PPP1CB: variants seen among roughly 807,000 people sequenced by gnomAD.
The protein encoded by PPP1CB is protein phosphatase 1 catalytic subunit beta.
In PPP1CB, 2 loss-of-function variants were observed where a neutral mutation model predicts 43.7. The observed-to-expected ratio is 0.05, with a 90% CI of 0.02 to 0.14. The LOEUF (loss-of-function observed/expected upper bound fraction) is 0.14, where lower values mean the gene tolerates loss of function less well. Among genes scored for constraint, PPP1CB ranks in the 10% least tolerant of loss-of-function variants. The pLI is 1.00. For synonymous variants in PPP1CB, 136 were observed against 135.6 expected, an observed-to-expected ratio of 1.00 and a Z score of -0.02; for missense variants, 84 against 398.0, an observed-to-expected ratio of 0.21 and a Z score of 6.71.
intron 7 of PPP1CB, among the ~76,000 whole-genome samples, chr2:28,797,978 T>A (rs992323288): frequency 1.3e-5 from 2 of 152,166 alleles, no homozygotes; most frequent in South Asian, 4.1e-4. Flanking sequence ...ATATACTGTT[T>A]CCATCAATTA....
At chr2:28,790,109 C>CT (rs1408100321) in intron 6 of PPP1CB, among the ~76,000 whole-genome samples, 1 of 151,994 alleles carries the variant, frequency 6.6e-6, no homozygotes, top group Non-Finnish European at 1.5e-5. Flanking sequence ...TGACAAAACT[C>CT]TGTCTCCACA....
At chr2:28,767,553 G>A (rs147221487) in intron 1 of PPP1CB, among the ~76,000 whole-genome samples, 6 of 152,246 alleles carry the variant, frequency 3.9e-5, no homozygotes, top group African/African-American at 1.2e-4. Context: ...CACCCATGAC[G>A]CTGCCAGGTT....
intron 1 of PPP1CB, among the ~76,000 whole-genome samples, chr2:28,759,928 A>T (rs2148456619): frequency 7.1e-6 from 1 of 140,124 alleles, no homozygotes; most frequent in South Asian, 2.4e-4. Flanking sequence ...CCTGGAATAT[A>T]TTCTTATTTT....
At chr2:28,777,104 A>G (rs1667058847) in intron 2 of PPP1CB, 122 bp downstream of exon 2, 1 of 987,832 alleles carries the variant, frequency 1.0e-6, no homozygotes, top group Non-Finnish European at 1.5e-6. Context: ...GCTTTACTAA[A>G]TAAAAGTGTA....
At chr2:28,765,308 T>G (rs190524326) in intron 1 of PPP1CB, among the ~76,000 whole-genome samples, 1 of 152,234 alleles carries the variant, frequency 6.6e-6, no homozygotes, top group South Asian at 2.1e-4. Flanking sequence ...TGAGATTCTA[T>G]GTATTTCATC....
At chr2:28,774,367 G>A (rs1666984549) in intron 1 of PPP1CB, among the ~76,000 whole-genome samples, 1 of 152,180 alleles carries the variant, frequency 6.6e-6, no homozygotes, top group Non-Finnish European at 1.5e-5. Flanking sequence ...CAGTTTGTAA[G>A]TACTTTTAGC....
intron 7 of PPP1CB, among the ~76,000 whole-genome samples, chr2:28,794,850 TATTA>T (rs539603765): frequency 3.7e-4 from 56 of 152,290 alleles, no homozygotes; most frequent in African/African-American, 1.3e-3. Context: ...ATAATATTTT[TATTA>T]ATTTATGTAC....
intron 1 of PPP1CB, among the ~76,000 whole-genome samples, chr2:28,760,802 T>G (rs925806641): frequency 2.0e-5 from 3 of 152,258 alleles, no homozygotes; most frequent in African/African-American, 7.2e-5. Flanking sequence ...AGAAGGAATC[T>G]TTATAGGTAC....
intron 1 of PPP1CB, among the ~76,000 whole-genome samples, chr2:28,769,978 G>A (rs1666868047): frequency 1.3e-5 from 2 of 151,976 alleles, no homozygotes; most frequent in African/African-American, 4.8e-5. Flanking sequence ...TGTAAAAGGA[G>A]CAAATATTGG....
chr2:28,782,532 CAT>C (rs747450389), intron 4 of PPP1CB: 29 of 152,612 alleles, frequency 1.9e-4, no homozygotes, highest in Non-Finnish European at 3.5e-4. Flanking sequence ...AGACTGGGTA[CAT>C]GTGTGTATGG....
intron 5 of PPP1CB, among the ~76,000 whole-genome samples, chr2:28,787,754 A>C (rs1037183563): frequency 1.3e-5 from 2 of 152,046 alleles, no homozygotes; most frequent in African/African-American, 2.4e-5. Context: ...CCTTCTCAAT[A>C]CCTAATGTTC....
intron 1 of PPP1CB, among the ~76,000 whole-genome samples, chr2:28,761,588 C>G (rs1666655498): frequency 6.6e-6 from 1 of 152,220 alleles, no homozygotes; most frequent in Admixed American, 6.5e-5. Context: ...AGTCCTGGAA[C>G]TTCCCCATAC....
At chr2:28,773,598 C>T (rs901180797) in intron 1 of PPP1CB, among the ~76,000 whole-genome samples, 2 of 152,234 alleles carry the variant, frequency 1.3e-5, no homozygotes, top group African/African-American at 4.8e-5. Flanking sequence ...TATCCAAACA[C>T]TGGAATCCCT....
At chr2:28,769,539 A>G (rs11686412) in intron 1 of PPP1CB, among the ~76,000 whole-genome samples, 86,379 of 152,128 alleles carry the variant, frequency 0.57, 25,047 homozygotes, top group Middle Eastern at 0.64. Context: ...TGATATGCTG[A>G]CACTAGAGAA....
chr2:28,800,635 A>G lies in PPP1CB; in HGVS notation c.*1332A>G, dbSNP rs1485238235. The stretch of plus-strand genomic sequence containing the variant: ...AGTATTAACAAATGGCAATGAGTAG[A>G]AAAGTTAACATGAAGATTTTAGAAG... On this transcript the variant is annotated 3_prime_UTR_variant, in exon 8 of 8. Transcript: ENST00000395366. 2 of 152,486 alleles carry G rather than the reference A, an allele frequency of 1.3e-5. No individual in the cohort carries two copies. The highest frequency in any genetic ancestry group is 4.1e-4 in the South Asian group (2 of 4,830). 9.4% of individuals were successfully genotyped at this position (152,486 alleles called of 1,614,324 possible).
chr2:28,770,292 A>G (rs1043550410), intron 1 of PPP1CB, among the ~76,000 whole-genome samples: 1 of 150,848 alleles, frequency 6.6e-6, no homozygotes, highest in African/African-American at 2.4e-5. Context: ...ATTGAAATTA[A>G]TGCAAAGCTC....
chr2:28,769,054 C>T (rs1666841647), intron 1 of PPP1CB, among the ~76,000 whole-genome samples: 1 of 152,130 alleles, frequency 6.6e-6, no homozygotes, highest in African/African-American at 2.4e-5. Context: ...CCATATTGAA[C>T]ATAGCTGCTA....
At chr2:28,790,567 T>C (rs1173704116) in intron 6 of PPP1CB, among the ~76,000 whole-genome samples, 2 of 152,168 alleles carry the variant, frequency 1.3e-5, no homozygotes, top group Non-Finnish European at 2.9e-5. Flanking sequence ...CTCAAACTCC[T>C]GACCCCAGGT....
chr2:28,794,016 TATATA>T lies in PPP1CB; in HGVS notation c.879+21_879+25del. On this transcript the variant is annotated intron_variant, in intron 7 of 7. Transcript: ENST00000395366. ...ATTTCAGGTATGATGTAAACATAAATATATAAGAACTAGAAATCTAATAAAAACTA... is the reference window on the plus strand; with the variant it reads ...ATTTCAGGTATGATGTAAACATAAATAGAACTAGAAATCTAATAAAAACTA... 6.4e-7 allele frequency: 1 copy of T among 1,573,684 alleles called. No individual in the cohort carries two copies. Among genetic ancestry groups the T allele is most frequent in the Non-Finnish European group, 8.7e-7 (1 of 1,152,136 alleles).
Sources: allele counts gnomAD v4.1 joint callset (sites outside exome capture counted in the v4.1 genomes callset), GRCh38; gene constraint gnomAD v4.1.1; transcripts MANE v1.5; gene names NCBI Gene and HGNC (gene_info 2026-07-23, HGNC 2026-07-21).